The following SLC14A2 variants were observed in gnomAD, a reference collection of about 807,000 sequenced individuals.
SLC14A2 encodes solute carrier family 14 member 2, also known as urea transporter 2.
Under a neutral mutation model 104.6 loss-of-function variants are expected in SLC14A2, and 91 were observed. The observed-to-expected ratio is 0.87, with a 90% CI of 0.73 to 1.04. SLC14A2 has a LOEUF of 1.04. SLC14A2 is among the 50% of genes least tolerant of loss of function. The pLI is 0.00. For missense variants in SLC14A2, 1,189 were observed against 1,156.0 expected, an observed-to-expected ratio of 1.03 and a Z score of -0.41; for synonymous variants, 476 against 466.4, an observed-to-expected ratio of 1.02 and a Z score of -0.27.
intron 2 of SLC14A2, among the ~76,000 whole-genome samples, chr18:45,544,726 T>A (rs1409184522): frequency 1.3e-5 from 2 of 151,504 alleles, no homozygotes; most frequent in Non-Finnish European, 2.9e-5. Context: ...GTTACCTTTT[T>A]AAATTTAACA....
the SLC14A2 span, among the ~76,000 whole-genome samples, chr18:45,174,384 C>A: frequency 6.6e-6 from 1 of 152,178 alleles, no homozygotes. Context: ...CTATTCTTTG[C>A]TCCACCATTT....
At chr18:45,271,040 G>T (rs1283765929) in intron 1 of SLC14A2, among the ~76,000 whole-genome samples, 3 of 152,172 alleles carry the variant, frequency 2.0e-5, no homozygotes, top group African/African-American at 7.2e-5. Flanking sequence ...AAACAATTCT[G>T]CAGCAACTTC....
intron 1 of SLC14A2, among the ~76,000 whole-genome samples, chr18:45,246,792 C>T (rs1040072964): frequency 1.1e-4 from 16 of 152,042 alleles, no homozygotes; most frequent in Non-Finnish European, 1.9e-4. Context: ...AGGCAGATCA[C>T]GAGGTCAGGA....
intron 10 of SLC14A2, among the ~76,000 whole-genome samples, chr18:45,654,083 G>C (rs1385826279): frequency 6.6e-6 from 1 of 152,000 alleles, no homozygotes; most frequent in Non-Finnish European, 1.5e-5. Context: ...AACCATGGTA[G>C]CTGAAGCTAG....
chr18:45,172,550 G>T, the SLC14A2 span, among the ~76,000 whole-genome samples: 3 of 152,074 alleles, frequency 2.0e-5, no homozygotes, highest in Admixed American at 2.0e-4. Flanking sequence ...TTTATCAGTG[G>T]TTTAGGTGTC....
At chr18:45,383,332 G>T (rs1410507913) in intron 1 of SLC14A2, among the ~76,000 whole-genome samples, 1 of 152,172 alleles carries the variant, frequency 6.6e-6, no homozygotes, top group Non-Finnish European at 1.5e-5. Flanking sequence ...TCAGCTCCAG[G>T]TGGGAAACTT....
At chr18:45,654,345 A>G (rs548508299) in intron 10 of SLC14A2, among the ~76,000 whole-genome samples, 30 of 152,244 alleles carry the variant, frequency 2.0e-4, no homozygotes, top group African/African-American at 7.0e-4. Context: ...CAGCACCTGA[A>G]GTTGAGGACC....
chr18:45,283,294 C>CA (rs370310233), intron 1 of SLC14A2, among the ~76,000 whole-genome samples: 2 of 142,464 alleles, frequency 1.4e-5, no homozygotes, highest in Non-Finnish European at 3.0e-5. Flanking sequence ...CAACATCAAC[C>CA]AAAAAAATGC....
At chr18:45,547,953 G>A (rs1364141239) in intron 2 of SLC14A2, among the ~76,000 whole-genome samples, 3 of 152,268 alleles carry the variant, frequency 2.0e-5, no homozygotes, top group South Asian at 2.1e-4. Flanking sequence ...GGGCAGCGTC[G>A]GCTAGGAGAA....
chr18:45,259,878 G>A (rs943517315), intron 1 of SLC14A2, among the ~76,000 whole-genome samples: 2 of 152,176 alleles, frequency 1.3e-5, no homozygotes, highest in African/African-American at 4.8e-5. Context: ...CCTCAGACAA[G>A]AGAAAAAATA....
intron 2 of SLC14A2, among the ~76,000 whole-genome samples, chr18:45,583,935 T>TAATC (rs1568285805): frequency 6.6e-6 from 1 of 152,262 alleles, no homozygotes; most frequent in Non-Finnish European, 1.5e-5. Context: ...AATTTTCTGG[T>TAATC]AATCACATTA....
At chr18:45,549,491 C>T (rs72902401) in intron 2 of SLC14A2, among the ~76,000 whole-genome samples, 13,690 of 152,198 alleles carry the variant, frequency 0.09, 760 homozygotes, top group Non-Finnish European at 0.12. Flanking sequence ...CACTTGTGAA[C>T]GTGAAAAGGG....
chr18:45,230,326 G>A (rs539098572), intron 1 of SLC14A2, among the ~76,000 whole-genome samples: 2 of 152,342 alleles, frequency 1.3e-5, no homozygotes, highest in South Asian at 2.1e-4. Flanking sequence ...CTAATATCAA[G>A]GTAACGGCAG....
At chr18:45,403,689 C>T (rs2086120779) in intron 1 of SLC14A2, among the ~76,000 whole-genome samples, 1 of 152,092 alleles carries the variant, frequency 6.6e-6, no homozygotes, top group African/African-American at 2.4e-5. Flanking sequence ...AAAAAAAATG[C>T]TGTATCTATT....
chr18:45,635,411 A>C (rs192256313), intron 5 of SLC14A2, among the ~76,000 whole-genome samples: 218 of 152,390 alleles, frequency 1.4e-3, no homozygotes, highest in African/African-American at 5.0e-3. Flanking sequence ...GAGACTAAGA[A>C]GGAACAGGCA....
chr18:45,294,198 G>A (rs1007867734), intron 1 of SLC14A2, among the ~76,000 whole-genome samples: 3 of 152,010 alleles, frequency 2.0e-5, no homozygotes, highest in African/African-American at 7.3e-5. Context: ...ATTTTTATTT[G>A]TGCTTTTCCC....
the SLC14A2 span, among the ~76,000 whole-genome samples, chr18:45,194,483 T>C: frequency 6.6e-6 from 1 of 152,160 alleles, no homozygotes; most frequent in African/African-American, 2.4e-5. Context: ...TTTTTCTTTA[T>C]AAGGTAAATT....
intron 6 of SLC14A2, among the ~76,000 whole-genome samples, chr18:45,639,047 C>T (rs762042980): frequency 2.8e-4 from 42 of 152,244 alleles, no homozygotes; most frequent in Non-Finnish European, 5.9e-4. Flanking sequence ...CTCTCAGGCT[C>T]AGGGATGTCT....
intron 2 of SLC14A2, among the ~76,000 whole-genome samples, chr18:45,596,949 C>T (rs75822862): frequency 0.026 from 3,970 of 152,310 alleles, 174 homozygotes; most frequent in African/African-American, 0.088. Flanking sequence ...TGCCTCTGTG[C>T]TTCTATGATG....
Sources: allele counts gnomAD v4.1 joint callset (sites outside exome capture counted in the v4.1 genomes callset), GRCh38; gene constraint gnomAD v4.1.1; transcripts MANE v1.5; gene names NCBI Gene and HGNC (gene_info 2026-07-23, HGNC 2026-07-21).